The following DBT variants were observed in gnomAD, a reference collection of about 807,000 sequenced individuals.
The protein encoded by DBT is dihydrolipoamide branched chain transacylase E2.
A neutral mutation model predicts 51.3 loss-of-function variants in DBT; 40 were observed. The observed-to-expected ratio is 0.78, with a 90% CI of 0.61 to 1.02. The LOEUF (loss-of-function observed/expected upper bound fraction) is 1.02, where lower values mean the gene tolerates loss of function less well. DBT is among the 50% of genes least tolerant of loss of function. The pLI is 0.00. For missense variants in DBT, 510 were observed against 580.2 expected, an observed-to-expected ratio of 0.88 and a Z score of 1.24; for synonymous variants, 181 against 190.4, an observed-to-expected ratio of 0.95 and a Z score of 0.41.
intron 8 of DBT, 37 bp downstream of exon 8, chr1:100,210,657 A>AT (rs775710093): frequency 1.8e-5 from 29 of 1,612,186 alleles, no homozygotes; most frequent in Non-Finnish European, 2.3e-5. Context: ...CCCATCTTCT[A>AT]TTAATAATAA....
chr1:100,247,650 G>T (rs1304665120), intron 1 of DBT, among the ~76,000 whole-genome samples: 1 of 135,686 alleles, frequency 7.4e-6, no homozygotes, highest in Non-Finnish European at 1.5e-5. Flanking sequence ...AGTAAGCCGA[G>T]ATTGCACCAC....
rs1479310414 is a variant in DBT, at chr1:100,196,060, C to T, written c.*195G>A. ...TCTGACCTATAAAATGTGACAGCCC[C>T]AGGAGAACCATTACACCATTATTCA... is the stretch of plus-strand genomic sequence containing the variant. On this transcript the variant is annotated 3_prime_UTR_variant, in exon 11 of 11. Coordinates refer to ENST00000370132, the MANE Select transcript of DBT (RefSeq NM_001918.5). 1 of 621,798 alleles carries T rather than the reference C, an allele frequency of 1.6e-6. No individual in the cohort carries two copies. Among genetic ancestry groups the T allele is most frequent in the Non-Finnish European group, 2.8e-6 (1 of 353,102 alleles). The allele number at this position is 621,798 out of a possible 1,614,324, so 38.5% of individuals were successfully genotyped here.
rs1191442108 is a variant in DBT, at chr1:100,215,967, T to C, written c.772+16A>G. On this transcript the variant is annotated intron_variant, in intron 6 of 10. Coordinates refer to ENST00000370132, the MANE Select transcript of DBT (RefSeq NM_001918.5). ...AATGAACTATTGCCTTATAGTATTG[T>C]TATTATTATCATTACCTTTTATGGG... The C allele has an allele frequency of 5.6e-6, 8 of 1,421,624 alleles. 1 individual carries two copies. Among genetic ancestry groups the C allele is most frequent in the Non-Finnish European group, 8.0e-6 (8 of 1,004,582 alleles). The allele number at this position is 1,421,624 out of a possible 1,614,324, so 88.1% of individuals were successfully genotyped here.
intron 10 of DBT, 89 bp downstream of exon 10, chr1:100,206,141 G>GAGGGGAAACCTTAGA: frequency 1.2e-6 from 1 of 850,384 alleles, no homozygotes; most frequent in Non-Finnish European, 1.9e-6. Flanking sequence ...CCTACAAAAG[G>GAGGGGAAACCTTAGA]AGGGGAAACC....
Position 100,213,509 on chromosome 1 carries a change from G to A in DBT, c.939+1308C>T. 4 of 1,542,068 alleles carry A rather than the reference G, an allele frequency of 2.6e-6. No individual in the cohort carries two copies. The South Asian group carries it at 4.5e-5, about 17-fold the overall frequency. On this transcript the variant is annotated intron_variant, in intron 7 of 10. Coordinates refer to ENST00000370132, the MANE Select transcript of DBT (RefSeq NM_001918.5). ...CATCCGCTATCCTACCAACTCTATCGTGGTCGTGGGAGGCTGTCCCGTCTG... is the reference window on the plus strand; with the variant it reads ...CATCCGCTATCCTACCAACTCTATCATGGTCGTGGGAGGCTGTCCCGTCTG...
chr1:100,230,490 C>A (rs1187229998), intron 4 of DBT, among the ~76,000 whole-genome samples: 1 of 152,230 alleles, frequency 6.6e-6, no homozygotes, highest in African/African-American at 2.4e-5. Flanking sequence ...TCATCTCTTC[C>A]TTTTGCTATT....
intron 2 of DBT, among the ~76,000 whole-genome samples, chr1:100,240,494 CTCCAA>C (rs1664147014): frequency 1.3e-5 from 2 of 152,096 alleles, no homozygotes; most frequent in Admixed American, 1.3e-4. Context: ...CACCACTGCA[CTCCAA>C]TCTGGGCAAC....
At chr1:100,208,248 T>A (rs1033886651) in intron 8 of DBT, among the ~76,000 whole-genome samples, 1 of 152,236 alleles carries the variant, frequency 6.6e-6, no homozygotes, top group African/African-American at 2.4e-5. Flanking sequence ...GAAACATAAG[T>A]GAATTTCATG....
intron 10 of DBT, among the ~76,000 whole-genome samples, chr1:100,199,237 G>T (rs976374317): frequency 6.6e-6 from 1 of 152,074 alleles, no homozygotes; most frequent in African/African-American, 2.4e-5. Flanking sequence ...CACTCATTTG[G>T]GTTCCTGTTC....
intron 1 of DBT, among the ~76,000 whole-genome samples, chr1:100,246,649 C>G (rs185674748): frequency 6.6e-6 from 1 of 152,110 alleles, no homozygotes; most frequent in Admixed American, 6.5e-5. Context: ...GAAGAGTTTA[C>G]AAACCTGACT....
chr1:100,233,136 C>T (rs974767793), intron 3 of DBT, among the ~76,000 whole-genome samples: 5 of 151,918 alleles, frequency 3.3e-5, no homozygotes, highest in South Asian at 2.1e-4. Context: ...TGTGATGGCT[C>T]GCCTGTAATC....
rs773026845 is a variant in DBT, at chr1:100,230,747, G to A, written c.419C>T (p.Thr140Met). 26 of 1,608,140 alleles carry A rather than the reference G, an allele frequency of 1.6e-5. No individual in the cohort carries two copies. The South Asian group carries it at 1.7e-4, about 10-fold the overall frequency. The change falls in exon 4 of 11, where the codon ACG (threonine) becomes ATG (methionine). Residue 140 changes from threonine to methionine, a missense_variant. Transcript: ENST00000370132. Reference protein sequence around the residue: ...YVGKPLVDIETEALKDSEEDV... With the variant: ...YVGKPLVDIEMEALKDSEEDV... ...ACTTACAATACCTTTTAAAGCTTCCGTTTCTATGTCTACTAATGGCTTCCC... is the reference window on the plus strand; with the variant it reads ...ACTTACAATACCTTTTAAAGCTTCCATTTCTATGTCTACTAATGGCTTCCC...
chr1:100,205,026 C>A (rs2100777145), intron 10 of DBT, among the ~76,000 whole-genome samples: 1 of 152,192 alleles, frequency 6.6e-6, no homozygotes, highest in East Asian at 1.9e-4. Flanking sequence ...TAGGCAATAC[C>A]ATTTAGGACA....
At chr1:100,246,156 G>A (rs944538069) in intron 1 of DBT, among the ~76,000 whole-genome samples, 1 of 152,104 alleles carries the variant, frequency 6.6e-6, no homozygotes, top group Non-Finnish European at 1.5e-5. Context: ...TACTTGGGAG[G>A]CTGAGGCAGG....
chr1:100,235,410 T>A, intron 3 of DBT, 26 bp downstream of exon 3: 2 of 1,135,042 alleles, frequency 1.8e-6, no homozygotes, highest in Non-Finnish European at 2.7e-6. Flanking sequence ...TAAATTTACT[T>A]AAGAGCTTTT....
Position 100,218,912 on chromosome 1 carries a change from TC to T in DBT, c.434-166del, listed in dbSNP as rs376249171. Among the ~76,000 whole-genome samples, 4 of 131,568 alleles carry T rather than the reference TC, an allele frequency of 3.0e-5. No individual in the cohort carries two copies. The East Asian group carries it at 9.4e-4, about 31-fold the overall frequency. The allele number at this position is 131,568 out of a possible 152,430, so 86.3% of individuals were successfully genotyped here. On this transcript the variant is annotated intron_variant, in intron 4 of 10. Coordinates refer to ENST00000370132, the MANE Select transcript of DBT (RefSeq NM_001918.5). ...ACTTCAGAATAGGAAAACACAACTA[TC>T]CTAATGGTATGGGTAGAGTGGGGGG...
At chr1:100,233,204 A>G (rs1181540221) in intron 3 of DBT, among the ~76,000 whole-genome samples, 3 of 151,576 alleles carry the variant, frequency 2.0e-5, no homozygotes, top group Non-Finnish European at 4.4e-5. Context: ...CAAAAAAAGG[A>G]AAAAAAAAGA....
At chr1:100,236,782 A>C (rs770760150) in intron 2 of DBT, among the ~76,000 whole-genome samples, 1 of 152,236 alleles carries the variant, frequency 6.6e-6, no homozygotes, top group Non-Finnish European at 1.5e-5. Context: ...AAAATATACT[A>C]TGGCACCTCT....
chr1:100,216,386 G>A (rs1662488090), intron 5 of DBT, among the ~76,000 whole-genome samples, 187 bp from the exon 6 acceptor site: 1 of 152,046 alleles, frequency 6.6e-6, no homozygotes, highest in African/African-American at 2.4e-5. Flanking sequence ...TATGCATGTG[G>A]TAACCATCAG....
Sources: allele counts gnomAD v4.1 joint callset (sites outside exome capture counted in the v4.1 genomes callset), GRCh38; gene constraint gnomAD v4.1.1; transcripts MANE v1.5; gene names NCBI Gene and HGNC (gene_info 2026-07-23, HGNC 2026-07-21).